The following PPM1D variants were observed in gnomAD, a reference collection of about 807,000 sequenced individuals.
The protein encoded by PPM1D is protein phosphatase, Mg2+/Mn2+ dependent 1D, also known as protein phosphatase 1D.
In PPM1D, 52 loss-of-function variants were observed where a neutral mutation model predicts 58.3. That is an observed-to-expected ratio of 0.89 (90% CI 0.71 to 1.12). The LOEUF (loss-of-function observed/expected upper bound fraction) is 1.12. PPM1D is among the 50% of genes most tolerant of loss of function. The pLI is 0.00. For missense variants in PPM1D, 564 were observed against 777.2 expected (o/e 0.73, Z 3.26); for synonymous variants, 278 against 285.1 (o/e 0.98, Z 0.25).
At chr17:60,634,175 C>T (rs1415974552) in intron 3 of PPM1D, among the ~76,000 whole-genome samples, 198 bp downstream of exon 3, 1 of 152,140 alleles carries the variant, frequency 6.6e-6, no homozygotes, top group African/African-American at 2.4e-5. Flanking sequence ...CTTTGGGAGG[C>T]TGAGGTGGGC....
chr17:60,648,060 A>G lies in PPM1D; in HGVS notation c.995A>G (p.Gln332Arg). 1 of 1,609,866 alleles carries G rather than the reference A, an allele frequency of 6.2e-7. No homozygotes were observed. The highest frequency in any genetic ancestry group is 8.5e-7 in the Non-Finnish European group (1 of 1,178,688). ...PQDAISMCQDQEEKKYLMGEH... is the reference protein window; with the variant it reads ...PQDAISMCQDREEKKYLMGEH... Reference sequence around the variant, plus strand: ...GATGCCATCTCAATGTGCCAGGACCAAGAGGAGAAAAAATACCTGATGGTG... The same window carrying G: ...GATGCCATCTCAATGTGCCAGGACCGAGAGGAGAAAAAATACCTGATGGTG... Residue 332 changes from glutamine (Q) to arginine (R), a missense_variant, in exon 4 of 6, where the codon CAA becomes CGA. By Grantham distance (43) the Gln-to-Arg change is conservative. Around this residue, in one of 7 missense-constraint regions of PPM1D, gnomAD observed 34 missense variants for 34.3 expected, o/e 0.99. Transcript: ENST00000305921.
At position 60,665,031 on chromosome 17, in the gene PPM1D, G is replaced by T. The variant is rs1369162990; in HGVS notation, c.*1479G>T. The T allele has an allele frequency of 6.6e-6, 1 of 151,696 alleles. No individual in the cohort carries two copies. Among genetic ancestry groups the T allele is most frequent in the South Asian group, 2.1e-4 (1 of 4,806 alleles). The allele number at this position is 151,696 out of a possible 1,614,324, so 9.4% of individuals were successfully genotyped here. On this transcript the variant is annotated 3_prime_UTR_variant, in exon 6 of 6. Transcript: ENST00000305921. ...CTGTCATCCAGGCTGGAGTGCAGTGGTGTGATCTCGGCTCCCTGCAACCTC... is the reference window on the plus strand; with the variant it reads ...CTGTCATCCAGGCTGGAGTGCAGTGTTGTGATCTCGGCTCCCTGCAACCTC...
intron 4 of PPM1D, 125 bp from the exon 5 acceptor site, chr17:60,656,473 GA>G (rs367746536): frequency 0.018 from 16,486 of 917,172 alleles, no homozygotes; most frequent in East Asian, 0.025. Context: ...AAAGAGAAAA[GA>G]AAAAAAAAAA....
chr17:60,654,099 C>G (rs1413315682), intron 4 of PPM1D, among the ~76,000 whole-genome samples: 1 of 151,892 alleles, frequency 6.6e-6, no homozygotes, highest in East Asian at 1.9e-4. Flanking sequence ...GCATCCTTGT[C>G]TGTTTCAGTC....
chr17:60,619,952 C>G (rs937236978), intron 1 of PPM1D, among the ~76,000 whole-genome samples: 2 of 151,904 alleles, frequency 1.3e-5, no homozygotes, highest in Non-Finnish European at 2.9e-5. Flanking sequence ...AATGTCTATT[C>G]AGGTCATTTG....
At chr17:60,644,818 C>A (rs2031203592) in intron 3 of PPM1D, among the ~76,000 whole-genome samples, 1 of 152,214 alleles carries the variant, frequency 6.6e-6, no homozygotes, top group African/African-American at 2.4e-5. Context: ...TAAAAATGAA[C>A]AATTCGTAAT....
At chr17:60,620,023 G>C (rs113244265) in intron 1 of PPM1D, among the ~76,000 whole-genome samples, 1 of 142,604 alleles carries the variant, frequency 7.0e-6, no homozygotes, top group Non-Finnish European at 1.5e-5. Context: ...TTTTGAGACA[G>C]AGTCTCGCCC....
intron 1 of PPM1D, among the ~76,000 whole-genome samples, chr17:60,613,979 T>TGCCCAAGGTCTGAGGAGTGCGG (rs2030522678): frequency 7.0e-6 from 1 of 143,714 alleles, no homozygotes. Flanking sequence ...TCCCGTCGAC[T>TGCCCAAGGTCTGAGGAGTGCGG]GCCCAAGGGC....
chr17:60,647,864 T>A (rs767103167), intron 3 of PPM1D, 28 bp from the exon 4 acceptor site: 3 of 1,564,812 alleles, frequency 1.9e-6, no homozygotes, highest in Admixed American at 1.7e-5. Context: ...AACTAATACT[T>A]CTTGCTTTTT....
chr17:60,654,453 G>A (rs1289968128), intron 4 of PPM1D, among the ~76,000 whole-genome samples: 1 of 141,792 alleles, frequency 7.1e-6, no homozygotes, highest in South Asian at 2.3e-4. Context: ...GCAGTAAGCC[G>A]AGGTCACACC....
rs2030974926 is a variant in PPM1D, at chr17:60,633,880, T to G, written c.729T>G (p.Arg243=). 1 of 1,613,418 alleles carries G rather than the reference T, an allele frequency of 6.2e-7. No homozygotes were observed. The highest frequency in any genetic ancestry group is 8.5e-7 in the Non-Finnish European group (1 of 1,179,380). Residue 243 remains arginine, a synonymous_variant, in exon 3 of 6, where the codon CGT becomes CGG. Coordinates refer to ENST00000305921, the MANE Select transcript of PPM1D (RefSeq NM_003620.4). ...TAATGAACAAGTCTGGGGTGAATCG[T>G]GTAGTTTGGAAACGACCTCGACTCA... ...GSVMNKSGVN[R]VVWKRPRLTH...
chr17:60,600,587 T>C lies in PPM1D; in HGVS notation c.173T>C (p.Leu58Pro), dbSNP rs1453472677. The C allele has an allele frequency of 6.4e-7, 1 of 1,555,866 alleles. No individual in the cohort carries two copies. Among genetic ancestry groups the C allele is most frequent in the South Asian group, 1.2e-5 (1 of 84,738 alleles). Residue 58 changes from leucine (L) to proline (P), a missense_variant, in exon 1 of 6, where the codon CTT (leucine) becomes CCT (proline). Around this residue, in one of 7 missense-constraint regions of PPM1D, gnomAD observed 132 missense variants for 150.4 expected, o/e 0.88. Coordinates refer to ENST00000305921, the MANE Select transcript of PPM1D (RefSeq NM_003620.4). ...CCTCCGCGGCCGTCGCCGGCCGCCC[T>C]TCCCGGCGGCGAAGTCTCGGGGAAA... ...PLPPRPSPAA[L>P]PGGEVSGKGP...
chr17:60,619,983 GTTTGTTTTGTTTTGT>G (rs374505300), intron 1 of PPM1D, among the ~76,000 whole-genome samples: 5 of 149,414 alleles, frequency 3.3e-5, no homozygotes, highest in African/African-American at 7.5e-5. Flanking sequence ...TTTTGTTTTT[GTTTGTTTTGTTTTGT>G]TTTGTTTTGT....
At chr17:60,620,999 T>C (rs1226235848) in intron 1 of PPM1D, among the ~76,000 whole-genome samples, 1 of 152,162 alleles carries the variant, frequency 6.6e-6, no homozygotes, top group Non-Finnish European at 1.5e-5. Context: ...CTTGGCTCAC[T>C]GCAACCTCCA....
At chr17:60,647,142 A>G (rs2031264809) in intron 3 of PPM1D, among the ~76,000 whole-genome samples, 1 of 152,234 alleles carries the variant, frequency 6.6e-6, no homozygotes, top group Non-Finnish European at 1.5e-5. Flanking sequence ...TTTTGGTTAG[A>G]ATTACATTGA....
chr17:60,601,474 G>A (rs962398185), intron 1 of PPM1D, among the ~76,000 whole-genome samples: 1 of 152,168 alleles, frequency 6.6e-6, no homozygotes, highest in African/African-American at 2.4e-5. Flanking sequence ...ATGGTGAGAT[G>A]TTTTTAGGAT....
At chr17:60,609,583 C>T (rs2030411628) in intron 1 of PPM1D, among the ~76,000 whole-genome samples, 1 of 152,190 alleles carries the variant, frequency 6.6e-6, no homozygotes, top group African/African-American at 2.4e-5. Flanking sequence ...GAAATCTTGT[C>T]TCGTCCCACT....
intron 2 of PPM1D, among the ~76,000 whole-genome samples, chr17:60,627,302 G>A (rs1277744581): frequency 6.6e-6 from 1 of 152,316 alleles, no homozygotes; most frequent in African/African-American, 2.4e-5. Context: ...CTGTTGCCCA[G>A]GCTGCAGTGC....
At chr17:60,627,739 A>G (rs1279870467) in intron 2 of PPM1D, among the ~76,000 whole-genome samples, 1 of 152,046 alleles carries the variant, frequency 6.6e-6, no homozygotes, top group South Asian at 2.1e-4. Flanking sequence ...TATTTTGCTC[A>G]CTTTTCCATA....
Sources: gnomAD v4.1 joint callset for allele counts (sites outside exome capture counted in the v4.1 genomes callset) on GRCh38, gnomAD v4.1.1 for gene constraint, gnomAD v4.1.1 regional missense constraint, MANE v1.5 for transcripts, NCBI Gene and HGNC (gene_info 2026-07-23, HGNC 2026-07-21) for gene names.